The following MECOM variants were observed in gnomAD, a reference collection of about 807,000 sequenced individuals.
MECOM encodes the protein histone-lysine N-methyltransferase MECOM.
A neutral mutation model predicts 116.3 loss-of-function variants in MECOM; 13 were observed. The observed-to-expected ratio is 0.11, with a 90% CI of 0.07 to 0.18. The LOEUF (loss-of-function observed/expected upper bound fraction) is 0.18, where lower values mean the gene tolerates loss of function less well. Ranked by LOEUF, MECOM falls within the 10% of genes least tolerant of loss-of-function variation. The pLI is 1.00. For synonymous variants in MECOM, 528 were observed against 535.2 expected (o/e 0.99, Z 0.19); for missense variants, 1,299 against 1,509.0 (o/e 0.86, Z 2.31).
intron 2 of MECOM, among the ~76,000 whole-genome samples, chr3:169,247,989 A>G (rs959203789): frequency 7.9e-5 from 12 of 152,202 alleles, no homozygotes; most frequent in Admixed American, 7.9e-4. Context: ...CCATTTCTTC[A>G]TCTCTAAAAT....
At chr3:169,211,126 A>G (rs943604590) in intron 2 of MECOM, among the ~76,000 whole-genome samples, 4 of 152,180 alleles carry the variant, frequency 2.6e-5, no homozygotes, top group South Asian at 4.1e-4. Flanking sequence ...GCCCTTGGAT[A>G]ACTACTTAAG....
chr3:169,448,091 T>C (rs1309799605), intron 1 of MECOM, among the ~76,000 whole-genome samples: 1 of 152,148 alleles, frequency 6.6e-6, no homozygotes, highest in Non-Finnish European at 1.5e-5. Flanking sequence ...GCTATTATAG[T>C]GATGATGGCA....
rs183977116 is a variant in MECOM at position 169,568,327 on chromosome 3, T to C, written c.37+95009A>G. On this transcript the variant is annotated intron_variant, in intron 1 of 16. Coordinates refer to ENST00000651503, the MANE Select transcript of MECOM (RefSeq NM_004991.4). Reference sequence around the variant, plus strand: ...CAGACACTGAGCTAGCTGCAGGAGTTTTTTTTCATACCCCAGTGGCACCTG... The same window carrying C: ...CAGACACTGAGCTAGCTGCAGGAGTCTTTTTTCATACCCCAGTGGCACCTG... Among the ~76,000 whole-genome samples, 705 of 152,090 alleles carry C rather than the reference T, an allele frequency of 4.6e-3. 2 individuals are homozygous for C. Among genetic ancestry groups the C allele is most frequent in the Middle Eastern group, 0.014 (4 of 294 alleles).
intron 2 of MECOM, among the ~76,000 whole-genome samples, chr3:169,325,214 T>C (rs2149760890): frequency 6.6e-6 from 1 of 152,262 alleles, no homozygotes. Context: ...TGTTTTTGCT[T>C]TCGGACAGTC....
chr3:169,095,304 T>A, intron 12 of MECOM, 59 bp from the exon 13 acceptor site: 1 of 1,436,856 alleles, frequency 7.0e-7, no homozygotes, highest in Non-Finnish European at 9.4e-7. Flanking sequence ...TTCTCAAGAC[T>A]AGTTAGCCAG....
At position 169,115,588 on chromosome 3, in the gene MECOM, G is replaced by T; in HGVS notation, c.2284C>A (p.Pro762Thr). 2.5e-6 allele frequency: 4 copies of T among 1,614,122 alleles called. No homozygotes were observed. The highest frequency in any genetic ancestry group is 3.4e-6 in the Non-Finnish European group (4 of 1,180,024). Reference protein sequence around the residue: ...KPLTPVPSKPPVTPATSQDQP... With the variant: ...KPLTPVPSKPTVTPATSQDQP... ...TCTTGGCTTGTGGCAGGTGTCACTG[G>T]AGGCTTGGAGGGGACTGGAGTCAAG... Residue 762 changes from proline to threonine, a missense_variant, in exon 8 of 17, where the codon CCA (proline) becomes ACA (threonine). Around this residue, in one of 6 missense-constraint regions of MECOM, gnomAD observed 340 missense variants for 312.6 expected, o/e 1.09. Coordinates refer to ENST00000651503, the MANE Select transcript of MECOM (RefSeq NM_004991.4).
intron 1 of MECOM, among the ~76,000 whole-genome samples, chr3:169,578,992 G>C (rs1422857106): frequency 6.6e-6 from 1 of 152,160 alleles, no homozygotes; most frequent in Non-Finnish European, 1.5e-5. Flanking sequence ...CATAATGTTT[G>C]ATACAAATCC....
At chr3:169,310,878 A>G (rs1718628519) in intron 2 of MECOM, among the ~76,000 whole-genome samples, 1 of 152,192 alleles carries the variant, frequency 6.6e-6, no homozygotes, top group South Asian at 2.1e-4. Flanking sequence ...TTCACAGCCT[A>G]TGCTTCTTTA....
At chr3:169,105,790 C>T (rs1725207148) in intron 10 of MECOM, among the ~76,000 whole-genome samples, 2 of 152,026 alleles carry the variant, frequency 1.3e-5, no homozygotes, top group South Asian at 4.1e-4. Flanking sequence ...GTTCCAGTCC[C>T]CAAGAGGCTA....
At chr3:169,297,597 G>C (rs913743554) in intron 2 of MECOM, among the ~76,000 whole-genome samples, 2 of 151,790 alleles carry the variant, frequency 1.3e-5, no homozygotes, top group African/African-American at 2.4e-5. Context: ...TCAGCTTGAG[G>C]TATCTCTTCT....
intron 1 of MECOM, among the ~76,000 whole-genome samples, chr3:169,548,841 T>C (rs1000255303): frequency 2.0e-5 from 3 of 152,238 alleles, no homozygotes; most frequent in African/African-American, 7.2e-5. Flanking sequence ...CACTGGGTAC[T>C]CTCATTAATT....
intron 2 of MECOM, among the ~76,000 whole-genome samples, chr3:169,163,730 T>C (rs1323605466): frequency 6.6e-6 from 1 of 152,166 alleles, no homozygotes; most frequent in African/African-American, 2.4e-5. Context: ...CATAATGACC[T>C]GAAAGACTGG....
chr3:169,097,761 T>C (rs989130217), intron 12 of MECOM, among the ~76,000 whole-genome samples: 1 of 138,362 alleles, frequency 7.2e-6, no homozygotes, highest in African/African-American at 2.7e-5. Flanking sequence ...GGAGAACTGC[T>C]TGAAGCCAGG....
At chr3:169,576,294 G>C (rs1470710148) in intron 1 of MECOM, among the ~76,000 whole-genome samples, 1 of 152,000 alleles carries the variant, frequency 6.6e-6, no homozygotes, top group Non-Finnish European at 1.5e-5. Flanking sequence ...CAGTATGCTA[G>C]GCACAATAGA....
At chr3:169,276,227 C>T (rs1759550477) in intron 2 of MECOM, among the ~76,000 whole-genome samples, 1 of 152,106 alleles carries the variant, frequency 6.6e-6, no homozygotes, top group Non-Finnish European at 1.5e-5. Context: ...AATCTTAACA[C>T]ACAAGTAATA....
chr3:169,279,240 CA>C (rs1759984999), intron 2 of MECOM, among the ~76,000 whole-genome samples: 1 of 152,142 alleles, frequency 6.6e-6, no homozygotes, highest in African/African-American at 2.4e-5. Context: ...CTCCTGACCC[CA>C]AATCTCAATC....
At chr3:169,485,960 T>C (rs1331375414) in intron 1 of MECOM, among the ~76,000 whole-genome samples, 2 of 82,328 alleles carry the variant, frequency 2.4e-5, no homozygotes, top group African/African-American at 5.6e-5. Flanking sequence ...TATGTACATA[T>C]ATACTATATA....
intron 1 of MECOM, among the ~76,000 whole-genome samples, chr3:169,382,877 AAAAAG>A (rs1732690204): frequency 2.2e-5 from 3 of 136,544 alleles, no homozygotes; most frequent in Non-Finnish European, 3.2e-5. Flanking sequence ...AAAAAAATAA[AAAAAG>A]AAGGTAAAAT....
At chr3:169,129,506 T>G (rs1280134187) in intron 4 of MECOM, among the ~76,000 whole-genome samples, 1 of 151,930 alleles carries the variant, frequency 6.6e-6, no homozygotes, top group East Asian at 1.9e-4. Context: ...TAGTTTATAC[T>G]AAACCAGTAA....
Sources: allele counts gnomAD v4.1 joint callset (sites outside exome capture counted in the v4.1 genomes callset), GRCh38; gene constraint gnomAD v4.1.1; regional missense constraint gnomAD v4.1.1; transcripts MANE v1.5; gene names NCBI Gene and HGNC (gene_info 2026-07-23, HGNC 2026-07-21).